ARHGAP22: variants seen among roughly 807,000 people sequenced by gnomAD.
The protein encoded by ARHGAP22 is rho GTPase-activating protein 22.
Under a neutral mutation model 59.1 loss-of-function variants are expected in ARHGAP22, and 48 were observed. The observed-to-expected ratio is 0.81, with a 90% CI of 0.64 to 1.03. The LOEUF is 1.03. Among genes scored for constraint, ARHGAP22 ranks in the 50% least tolerant of loss-of-function variants. The probability of loss-of-function intolerance (pLI) is 0.00; values close to 1 mark genes in which losing one functional copy is unlikely to be tolerated. For missense variants in ARHGAP22, 1,015 were observed against 958.7 expected, an observed-to-expected ratio of 1.06 and a Z score of -0.78; for synonymous variants, 445 against 416.4, an observed-to-expected ratio of 1.07 and a Z score of -0.84.
In ARHGAP22 at chr10:48,450,932, C is replaced by T. The variant is rs1471883385; in HGVS notation, c.1197G>A (p.Ala399=). Residue 399 remains alanine (A), a synonymous_variant, in exon 9 of 10, where the codon GCG becomes GCA. Coordinates refer to ENST00000249601, the MANE Select transcript of ARHGAP22 (RefSeq NM_021226.4). ...PAHRTSSLDG[A]AVAVLSRTAP... ...CTGTTCTGGAGAGCACCGCCACGGC[C>T]GCCCCGTCCAGGGAAGAGGTCCTGT... is the stretch of plus-strand genomic sequence containing the variant. 3.8e-6 allele frequency: 6 copies of T among 1,589,542 alleles called. No homozygotes were observed. The highest frequency in any genetic ancestry group is 1.3e-5 in the African/African-American group (1 of 74,508).
At chr10:48,452,852 G>A (rs1564671742) in intron 8 of ARHGAP22, among the ~76,000 whole-genome samples, 1 of 150,412 alleles carries the variant, frequency 6.6e-6, no homozygotes, top group African/African-American at 2.4e-5. Context: ...GAAAGCGGCT[G>A]CTGTTGCTGC....
intron 1 of ARHGAP22, among the ~76,000 whole-genome samples, chr10:48,594,398 G>A (rs1224471488): frequency 6.6e-6 from 1 of 152,220 alleles, no homozygotes; most frequent in Non-Finnish European, 1.5e-5. Flanking sequence ...CCAACCAGGG[G>A]CTCAGTGAGG....
chr10:48,611,500 G>A (rs2060883608), intron 1 of ARHGAP22, among the ~76,000 whole-genome samples: 1 of 152,092 alleles, frequency 6.6e-6, no homozygotes, highest in South Asian at 2.1e-4. Context: ...CAAGGAAGCA[G>A]GTCTGAAATG....
At chr10:48,555,223 G>A (rs577964338) in intron 3 of ARHGAP22, among the ~76,000 whole-genome samples, 3 of 152,232 alleles carry the variant, frequency 2.0e-5, no homozygotes, top group Non-Finnish European at 2.9e-5. Context: ...TGCATTTATC[G>A]TGAATTTAAA....
chr10:48,433,857 C>T, the ARHGAP22 span, among the ~76,000 whole-genome samples: 1 of 152,164 alleles, frequency 6.6e-6, no homozygotes, highest in African/African-American at 2.4e-5. Flanking sequence ...TGAACCTCAC[C>T]CTCAGAAATT....
chr10:48,557,075 T>C (rs2135343085), intron 2 of ARHGAP22, among the ~76,000 whole-genome samples: 1 of 152,338 alleles, frequency 6.6e-6, no homozygotes, highest in South Asian at 2.1e-4. Flanking sequence ...TTTAGAGGAA[T>C]TACAGCAATA....
At chr10:48,626,780 A>G (rs2061463668) in intron 1 of ARHGAP22, among the ~76,000 whole-genome samples, 1 of 152,178 alleles carries the variant, frequency 6.6e-6, no homozygotes, top group Non-Finnish European at 1.5e-5. Context: ...GAGTAACAGA[A>G]GTGAGGGGAG....
intron 3 of ARHGAP22, among the ~76,000 whole-genome samples, chr10:48,519,957 G>A (rs1210717974): frequency 3.9e-5 from 6 of 152,182 alleles, no homozygotes; most frequent in Non-Finnish European, 7.4e-5. Flanking sequence ...AAGGGGCAAG[G>A]GTGAACTCAG....
upstream of ARHGAP22, among the ~76,000 whole-genome samples, chr10:48,606,850 G>T (rs143902000): frequency 7.4e-4 from 112 of 152,232 alleles, no homozygotes; most frequent in African/African-American, 2.7e-3. Context: ...TCCCTGTACT[G>T]CCCCTCTTGT....
At chr10:48,479,469 G>A (rs2049063619) in intron 4 of ARHGAP22, 167 bp downstream of exon 4, 2 of 1,283,890 alleles carry the variant, frequency 1.6e-6, no homozygotes, top group Non-Finnish European at 2.1e-6. Context: ...CAGCCGTTGG[G>A]TGACTCCCGA....
chr10:48,635,902 A>G (rs2136122407), intron 1 of ARHGAP22, among the ~76,000 whole-genome samples: 1 of 152,330 alleles, frequency 6.6e-6, no homozygotes, highest in East Asian at 1.9e-4. Context: ...TCCTCTGTAA[A>G]ATGGGAACAT....
intron 2 of ARHGAP22, among the ~76,000 whole-genome samples, chr10:48,562,206 A>G (rs910001251): frequency 4.6e-5 from 7 of 150,824 alleles, no homozygotes; most frequent in African/African-American, 1.5e-4. Context: ...AGCCTGGGCA[A>G]CAGAGCAAGA....
Position 48,567,830 on chromosome 10 carries a change from G to A in ARHGAP22, c.235-12280C>T, listed in dbSNP as rs964538423. ...ACCACAGACATTACTACAGTGAGAGGTAAACTTCTATTATGTTTAGCTGCT... is the reference window on the plus strand; with the variant it reads ...ACCACAGACATTACTACAGTGAGAGATAAACTTCTATTATGTTTAGCTGCT... On this transcript the variant is annotated intron_variant, in intron 2 of 9. Coordinates refer to ENST00000249601, the MANE Select transcript of ARHGAP22 (RefSeq NM_021226.4). Among the ~76,000 whole-genome samples the A allele has an allele frequency of 2.0e-5, 3 of 152,000 alleles. No homozygotes were observed. In the South Asian group the frequency reaches 6.2e-4, roughly 32 times the overall value.
the ARHGAP22 span, among the ~76,000 whole-genome samples, chr10:48,432,844 G>A: frequency 6.6e-6 from 1 of 152,120 alleles, no homozygotes; most frequent in Admixed American, 6.5e-5. Flanking sequence ...ACTTTTTCTG[G>A]ATCCTCAGTT....
downstream of ARHGAP22, chr10:48,443,924 T>C (rs1157612592): frequency 6.6e-6 from 1 of 152,262 alleles, no homozygotes; most frequent in East Asian, 1.9e-4. Flanking sequence ...TCATTTGTTA[T>C]TCTTTTAACA....
intron 1 of ARHGAP22, among the ~76,000 whole-genome samples, chr10:48,621,103 G>A (rs2061271090): frequency 6.6e-6 from 1 of 152,242 alleles, no homozygotes; most frequent in Non-Finnish European, 1.5e-5. Flanking sequence ...CCTTTGCATG[G>A]CCATCCAGGC....
At chr10:48,496,366 C>G (rs763678825) in intron 3 of ARHGAP22, among the ~76,000 whole-genome samples, 6 of 152,156 alleles carry the variant, frequency 3.9e-5, no homozygotes, top group Non-Finnish European at 8.8e-5. Flanking sequence ...CTACTATGCG[C>G]CAGTCATGTG....
chr10:48,513,078 A>C (rs1478646761), intron 3 of ARHGAP22, among the ~76,000 whole-genome samples: 2 of 152,048 alleles, frequency 1.3e-5, no homozygotes, highest in Non-Finnish European at 2.9e-5. Context: ...GTGCTTCCAC[A>C]GACACTGAGA....
intron 3 of ARHGAP22, among the ~76,000 whole-genome samples, chr10:48,530,458 A>C (rs1028296930): frequency 6.6e-6 from 1 of 152,222 alleles, no homozygotes; most frequent in African/African-American, 2.4e-5. Context: ...TAGCAAAAGA[A>C]ACAATCAGCA....
Sources: allele counts gnomAD v4.1 joint callset (sites outside exome capture counted in the v4.1 genomes callset), GRCh38; gene constraint gnomAD v4.1.1; transcripts MANE v1.5; gene names NCBI Gene and HGNC (gene_info 2026-07-23, HGNC 2026-07-21).